STARD13: variants seen among roughly 807,000 people sequenced by gnomAD.
The protein encoded by STARD13 is StAR related lipid transfer domain containing 13, also known as stAR-related lipid transfer protein 13.
Under a neutral mutation model 106.4 loss-of-function variants are expected in STARD13, and 62 were observed. That is an observed-to-expected ratio of 0.58 (90% CI 0.48 to 0.72). The LOEUF is 0.72. STARD13 is among the 30% of genes least tolerant of loss of function. STARD13 has a pLI of 0.00. For missense variants in STARD13, 1,387 were observed against 1,424.0 expected, an observed-to-expected ratio of 0.97 and a Z score of 0.42; for synonymous variants, 565 against 553.0, an observed-to-expected ratio of 1.02 and a Z score of -0.31.
At chr13:33,434,089 A>ATTACAGG in the STARD13 span, among the ~76,000 whole-genome samples, 1 of 152,202 alleles carries the variant, frequency 6.6e-6, no homozygotes, top group East Asian at 1.9e-4. Flanking sequence ...GCTGTGGCTC[A>ATTACAGG]CGCCTGTAAT....
intron 1 of STARD13, among the ~76,000 whole-genome samples, chr13:33,306,713 G>A (rs1281609412): frequency 6.6e-6 from 1 of 152,210 alleles, no homozygotes; most frequent in South Asian, 2.1e-4. Context: ...ATTTTGGGAG[G>A]CCAAGGTGGG....
chr13:33,566,159 A>G, the STARD13 span, among the ~76,000 whole-genome samples: 807 of 148,670 alleles, frequency 5.4e-3, 71 homozygotes, highest in African/African-American at 0.019. Context: ...GAAAAGGGTG[A>G]GTACAGTACA....
chr13:33,300,969 T>C (rs1376993559), intron 1 of STARD13, among the ~76,000 whole-genome samples: 1 of 152,174 alleles, frequency 6.6e-6, no homozygotes, highest in Non-Finnish European at 1.5e-5. Context: ...TGAACACTGC[T>C]CAACGCTCAT....
chr13:33,337,337 ATT>A (rs1270930766), intron 1 of STARD13, among the ~76,000 whole-genome samples: 2 of 115,864 alleles, frequency 1.7e-5, no homozygotes, highest in African/African-American at 5.3e-5. Context: ...TAAATATTTA[ATT>A]AAGACACAGC....
chr13:33,363,578 C>T, the STARD13 span, among the ~76,000 whole-genome samples: 43 of 152,324 alleles, frequency 2.8e-4, no homozygotes, highest in Non-Finnish European at 4.6e-4. Context: ...CAATACTTGT[C>T]AGATACTCAT....
intron 1 of STARD13, among the ~76,000 whole-genome samples, chr13:33,189,431 TTTC>T (rs1215326959): frequency 8.5e-5 from 1 of 11,736 alleles, no homozygotes; most frequent in African/African-American, 2.0e-4. Context: ...TCCTTCCTCC[TTTC>T]GGAGGAAGGA....
chr13:33,123,724 C>T (rs1007829553), intron 7 of STARD13, among the ~76,000 whole-genome samples: 2 of 152,206 alleles, frequency 1.3e-5, no homozygotes, highest in African/African-American at 4.8e-5. Flanking sequence ...GCTGGGCATG[C>T]AGGAGTGTGG....
intron 1 of STARD13, among the ~76,000 whole-genome samples, chr13:33,201,077 A>AAAAAAAT (rs892493509): frequency 3.5e-5 from 5 of 140,932 alleles, no homozygotes; most frequent in African/African-American, 8.9e-5. Context: ...AAATAAAAAT[A>AAAAAAAT]AAAAAATAAA....
the STARD13 span, among the ~76,000 whole-genome samples, chr13:33,389,817 T>A: frequency 1.3e-5 from 2 of 152,284 alleles, no homozygotes; most frequent in Middle Eastern, 3.4e-3. Flanking sequence ...TATGTTTGAG[T>A]GTAAGGTAAT....
the STARD13 span, among the ~76,000 whole-genome samples, chr13:33,385,236 T>C: frequency 8.1e-6 from 1 of 123,100 alleles, no homozygotes; most frequent in South Asian, 2.5e-4. Flanking sequence ...TATATATATA[T>C]ATATATATAT....
the STARD13 span, among the ~76,000 whole-genome samples, chr13:33,376,045 G>C: frequency 6.6e-6 from 1 of 151,774 alleles, no homozygotes; most frequent in South Asian, 2.1e-4. Flanking sequence ...AAGAAATATG[G>C]TTTGACCATA....
At position 33,142,300 on chromosome 13, in the gene STARD13, G is replaced by T; in HGVS notation, c.387+10C>A. On this transcript the variant is annotated intron_variant, in intron 4 of 13. Coordinates refer to ENST00000336934, the MANE Select transcript of STARD13 (RefSeq NM_178006.4). ...CATAGCCACATTCTTATTAAGGTGT[G>T]GGCACCTACCTTTTTCCTTTGGAAG... is the stretch of plus-strand genomic sequence containing the variant. 1.9e-6 allele frequency: 3 copies of T among 1,610,394 alleles called. No homozygotes were observed. Among genetic ancestry groups the T allele is most frequent in the Non-Finnish European group, 2.5e-6 (3 of 1,176,710 alleles).
chr13:33,653,253 C>T, the STARD13 span, among the ~76,000 whole-genome samples: 1,088 of 152,202 alleles, frequency 7.1e-3, 13 homozygotes, highest in African/African-American at 0.024. Flanking sequence ...AGTTACAAGA[C>T]TCAAACTTCC....
the STARD13 span, among the ~76,000 whole-genome samples, chr13:33,622,640 G>T: frequency 1.0e-4 from 4 of 38,198 alleles, no homozygotes; most frequent in East Asian, 1.8e-3. Context: ...AAAAAAAAAA[G>T]GCTGGGCGTG....
chr13:33,395,034 T>G, the STARD13 span, among the ~76,000 whole-genome samples: 1 of 152,220 alleles, frequency 6.6e-6, no homozygotes, highest in African/African-American at 2.4e-5. Context: ...CAGGGAGCCA[T>G]CAGAAGTCTT....
At chr13:33,322,350 C>G (rs1893593635) in intron 1 of STARD13, among the ~76,000 whole-genome samples, 1 of 152,230 alleles carries the variant, frequency 6.6e-6, no homozygotes, top group Non-Finnish European at 1.5e-5. Context: ...GTCCTACAGG[C>G]TCAAGGAGCT....
chr13:33,130,070 T>G lies in STARD13; in HGVS notation c.607A>C (p.Ser203Arg), dbSNP rs1242054078. The change falls in exon 5 of 14, where the codon AGT becomes CGT. Residue 203 changes from serine (S) to arginine (R), a missense_variant. Physicochemically the swap from Ser to Arg is moderately radical, Grantham distance 110. Transcript: ENST00000336934. This position sits in a 1 kb window ranked among gnomAD's most constrained non-coding sequence, Gnocchi z 4.1. ...PEVCSIHSES[S>R]GGSDSRSQPG... is the part of the protein sequence containing the mutation. The stretch of plus-strand genomic sequence containing the variant: ...TGGCTGCGACTGTCGCTGCCTCCAC[T>G]GCTTTCGCTGTGAATGGAGCAGACC... 1.5e-5 allele frequency: 25 copies of G among 1,613,888 alleles called. No homozygotes were observed. The highest frequency in any genetic ancestry group is 2.0e-5 in the Non-Finnish European group (24 of 1,180,000).
chr13:33,166,721 G>A (rs1222153586), intron 2 of STARD13, among the ~76,000 whole-genome samples: 1 of 152,188 alleles, frequency 6.6e-6, no homozygotes, highest in Non-Finnish European at 1.5e-5. Context: ...AAAAGGCTGG[G>A]TGGTGGCTCA....
chr13:33,270,644 A>T (rs1891113832), intron 1 of STARD13, among the ~76,000 whole-genome samples: 1 of 152,188 alleles, frequency 6.6e-6, no homozygotes, highest in African/African-American at 2.4e-5. Context: ...GGCCTCCCGT[A>T]CCCAGATTTC....
Sources: gnomAD v4.1 joint callset for allele counts (sites outside exome capture counted in the v4.1 genomes callset) on GRCh38, gnomAD v4.1.1 for gene constraint, Gnocchi (gnomAD v3.1) non-coding constraint, MANE v1.5 for transcripts, NCBI Gene and HGNC (gene_info 2026-07-23, HGNC 2026-07-21) for gene names.